COL4A4: variants seen among roughly 807,000 people sequenced by gnomAD.
COL4A4 encodes collagen alpha-4(IV) chain.
A neutral mutation model predicts 192.9 loss-of-function variants in COL4A4; 105 were observed. The observed-to-expected ratio is 0.54, with a 90% CI of 0.46 to 0.64. COL4A4 has a LOEUF of 0.64. Among genes scored for constraint, COL4A4 ranks in the 30% least tolerant of loss-of-function variants. COL4A4 has a pLI of 0.00. For synonymous variants in COL4A4, 762 were observed against 769.9 expected (o/e 0.99, Z 0.17); for missense variants, 1,967 against 2,169.3 (o/e 0.91, Z 1.85).
At chr2:227,089,612 T>TATATATATATATATATATATATAC (rs1383778504) in intron 21 of COL4A4, among the ~76,000 whole-genome samples, 5 of 141,868 alleles carry the variant, frequency 3.5e-5, no homozygotes, top group African/African-American at 1.3e-4. Flanking sequence ...TATATATACA[T>TATATATATATATATATATATATAC]ACATATATAT....
At chr2:227,133,131 A>G (rs73993689) in intron 4 of COL4A4, among the ~76,000 whole-genome samples, 2 of 152,274 alleles carry the variant, frequency 1.3e-5, no homozygotes, top group East Asian at 3.9e-4. Flanking sequence ...GGCCTGGGTC[A>G]TGCTGGGTCA....
At chr2:227,022,560 G>A (rs370700962) in intron 43 of COL4A4, 5 of 539,372 alleles carry the variant, frequency 9.3e-6, no homozygotes, top group Non-Finnish European at 1.9e-5. Flanking sequence ...AAGAGGGACT[G>A]GTGGGTTCCT....
At chr2:227,104,075 T>A in intron 12 of COL4A4, 23 bp from the exon 13 acceptor site, 1 of 1,596,060 alleles carries the variant, frequency 6.3e-7, no homozygotes, top group Non-Finnish European at 8.6e-7. Context: ...AGCAAGATAA[T>A]GAAAATTTCA....
intron 43 of COL4A4, among the ~76,000 whole-genome samples, chr2:227,023,733 G>A (rs926314589): frequency 1.2e-4 from 19 of 152,176 alleles, no homozygotes; most frequent in African/African-American, 3.6e-4. Flanking sequence ...CTCAGGCTTC[G>A]CCAGGCGCGG....
the COL4A4 span, among the ~76,000 whole-genome samples, chr2:226,979,571 G>T: frequency 1.3e-4 from 20 of 152,286 alleles, no homozygotes; most frequent in African/African-American, 4.8e-4. Flanking sequence ...AAGGCAGGAG[G>T]AGAGGAAGCA....
Position 227,045,754 on chromosome 2 carries a change from G to C in COL4A4, c.3289+1721C>G, listed in dbSNP as rs575752294. ...ACTCCACTCCAGCCTGGGTGAAACA[G>C]CAAGACTCCATCTCAAAAAAAAAAA... On this transcript the variant is annotated intron_variant, in intron 35 of 47. Transcript: ENST00000396625. Among the ~76,000 whole-genome samples, 167 of 130,626 alleles carry C rather than the reference G, an allele frequency of 1.3e-3. 2 individuals carry two copies. Among genetic ancestry groups the C allele is most frequent in the Non-Finnish European group, 2.2e-3 (139 of 63,420 alleles). The allele number at this position is 130,626 out of a possible 152,430, so 85.7% of individuals were successfully genotyped here.
At chr2:227,044,087 A>G (rs543282370) in intron 35 of COL4A4, among the ~76,000 whole-genome samples, 11 of 152,348 alleles carry the variant, frequency 7.2e-5, no homozygotes, top group African/African-American at 2.6e-4. Flanking sequence ...AGAACAGACC[A>G]TTCAACATTT....
At chr2:227,089,590 T>C (rs901549061) in intron 21 of COL4A4, among the ~76,000 whole-genome samples, 2 of 130,636 alleles carry the variant, frequency 1.5e-5, no homozygotes, top group African/African-American at 6.1e-5. Flanking sequence ...AAATGTTCCA[T>C]ATATATATAT....
chr2:227,162,379 GA>G (rs904479642), intron 1 of COL4A4, among the ~76,000 whole-genome samples: 33 of 152,304 alleles, frequency 2.2e-4, no homozygotes, highest in African/African-American at 7.9e-4. Context: ...TTAGCATTGA[GA>G]TTTTTTTGTT....
At chr2:227,117,122 G>A (rs534018061) in intron 7 of COL4A4, among the ~76,000 whole-genome samples, 66 of 152,284 alleles carry the variant, frequency 4.3e-4, no homozygotes, top group African/African-American at 1.6e-3. Flanking sequence ...GTTTCTTTGC[G>A]TGGTTTTTAG....
At chr2:227,022,446 A>G (rs993438529) in intron 43 of COL4A4, 4 of 666,528 alleles carry the variant, frequency 6.0e-6, no homozygotes, top group Non-Finnish European at 1.2e-5. Flanking sequence ...ATGCAGAAGT[A>G]TGAAACAGTG....
rs533104047 is a variant in COL4A4 at position 227,005,178 on chromosome 2, A to G, written c.*2147T>C. 7 of 151,276 alleles carry G rather than the reference A, an allele frequency of 4.6e-5. No individual in the cohort carries two copies. The highest frequency in any genetic ancestry group is 8.8e-5 in the Non-Finnish European group (6 of 67,848). 9.4% of individuals were successfully genotyped at this position (151,276 alleles called of 1,614,324 possible). Reference sequence around the variant, plus strand: ...AAGCTCACTGTGGAGTAAACTGTCTACATAATTTAGCCTGTCTTTGTGTGG... The same window carrying G: ...AAGCTCACTGTGGAGTAAACTGTCTGCATAATTTAGCCTGTCTTTGTGTGG... On this transcript the variant is annotated 3_prime_UTR_variant, in exon 48 of 48. Coordinates refer to ENST00000396625, the MANE Select transcript of COL4A4 (RefSeq NM_000092.5).
intron 41 of COL4A4, 41 bp from the exon 42 acceptor site, chr2:227,028,050 G>T: frequency 1.5e-6 from 2 of 1,311,200 alleles, no homozygotes; most frequent in South Asian, 1.3e-5. Flanking sequence ...GCACTGGAAT[G>T]AGACAAGATA....
At chr2:227,086,943 A>T (rs1174272037) in intron 22 of COL4A4, among the ~76,000 whole-genome samples, 1 of 152,326 alleles carries the variant, frequency 6.6e-6, no homozygotes, top group East Asian at 1.9e-4. Flanking sequence ...TACTGCTGGG[A>T]CACCTTAATC....
chr2:227,152,077 G>A (rs542226657), intron 1 of COL4A4, among the ~76,000 whole-genome samples: 1 of 152,268 alleles, frequency 6.6e-6, no homozygotes, highest in South Asian at 2.1e-4. Flanking sequence ...AAAACAAAAA[G>A]TTGGAAACTC....
chr2:227,121,592 A>G (rs1312967327), intron 4 of COL4A4, among the ~76,000 whole-genome samples: 2 of 151,426 alleles, frequency 1.3e-5, no homozygotes, highest in Admixed American at 1.3e-4. Flanking sequence ...GAAAAGAAAG[A>G]CAAGAAAAGA....
At chr2:227,008,793 C>T (rs1210323847) in intron 46 of COL4A4, among the ~76,000 whole-genome samples, 7 of 152,146 alleles carry the variant, frequency 4.6e-5, no homozygotes, top group South Asian at 2.1e-4. Context: ...GATAAGGGAT[C>T]GTGGAGCTCA....
chr2:227,076,470 A>G (rs1218957753), intron 25 of COL4A4, among the ~76,000 whole-genome samples: 1 of 152,228 alleles, frequency 6.6e-6, no homozygotes, highest in Non-Finnish European at 1.5e-5. Context: ...CCTTCCTTAC[A>G]TCTTATACAA....
chr2:227,147,444 T>A lies in COL4A4; in HGVS notation c.40A>T (p.Arg14Ter). The change falls in exon 2 of 48, where the codon AGA becomes TGA. Residue 14 changes from arginine (R) to a stop codon, truncating the protein, a stop_gained. Coordinates refer to ENST00000396625, the MANE Select transcript of COL4A4 (RefSeq NM_000092.5). LOFTEE classifies it high-confidence loss of function. ...LHIVLMRCSF[R>*]LTKSLATGPW... is the part of the protein sequence containing the mutation. ...CCTGTGGCCAAGGACTTGGTCAATC[T>A]GAAGGAGCACCTCATTAGTACTATG... The A allele has an allele frequency of 6.2e-7, 1 of 1,613,862 alleles. No homozygotes were observed.
Sources: allele counts gnomAD v4.1 joint callset (sites outside exome capture counted in the v4.1 genomes callset), GRCh38; gene constraint gnomAD v4.1.1; transcripts MANE v1.5; gene names NCBI Gene and HGNC (gene_info 2026-07-23, HGNC 2026-07-21).